The following OGA variants were observed in gnomAD, a reference collection of about 807,000 sequenced individuals.
OGA encodes the protein O-GlcNAcase.
Under a neutral mutation model 102.0 loss-of-function variants are expected in OGA, and 21 were observed. That is an observed-to-expected ratio of 0.21 (90% confidence interval 0.15 to 0.30). The LOEUF (loss-of-function observed/expected upper bound fraction) is 0.30, where lower values mean the gene tolerates loss of function less well. OGA is among the 10% of genes least tolerant of loss of function. OGA has a pLI of 1.00. For missense variants in OGA, 765 were observed against 1,107.8 expected, an observed-to-expected ratio of 0.69 and a Z score of 4.39; for synonymous variants, 408 against 378.2, an observed-to-expected ratio of 1.08 and a Z score of -0.91.
chr10:101,789,699 C>G (rs918699841), intron 14 of OGA, among the ~76,000 whole-genome samples: 1 of 152,088 alleles, frequency 6.6e-6, no homozygotes, highest in Non-Finnish European at 1.5e-5. Context: ...ACTGGCCAGG[C>G]ACAGTGGCTC....
chr10:101,802,014 G>A (rs61874100), intron 7 of OGA, among the ~76,000 whole-genome samples: 7,478 of 152,082 alleles, frequency 0.049, 207 homozygotes, highest in Middle Eastern at 0.095. Context: ...ATGGGGTGGT[G>A]TGCGCCAGTA....
At chr10:101,791,315 T>C (rs758240067) in intron 13 of OGA, 39 bp downstream of exon 13, 4 of 1,524,006 alleles carry the variant, frequency 2.6e-6, no homozygotes, top group Admixed American at 1.7e-5. Flanking sequence ...AGCCTCACTA[T>C]GAAAGGTCTA....
intron 1 of OGA, among the ~76,000 whole-genome samples, chr10:101,814,959 G>A (rs765309207): frequency 2.6e-5 from 4 of 152,128 alleles, no homozygotes; most frequent in Non-Finnish European, 5.9e-5. Context: ...TTTACATCTT[G>A]TCTAACCTTT....
Position 101,784,578 on chromosome 10 carries a change from A to G in OGA, c.*1873T>C, listed in dbSNP as rs567976242. On this transcript the variant is annotated 3_prime_UTR_variant, in exon 16 of 16. Coordinates refer to ENST00000361464, the MANE Select transcript of OGA (RefSeq NM_012215.5). ...TTAATATTCATAACCAGGAAATAGC[A>G]TAGCACTTCATGATCCTAGAGTGAT... 6.5e-6 allele frequency: 1 copy of G among 152,770 alleles called. No homozygotes were observed. Among genetic ancestry groups the G allele is most frequent in the South Asian group, 2.1e-4 (1 of 4,832 alleles). The allele number at this position is 152,770 out of a possible 1,614,324, so 9.5% of individuals were successfully genotyped here. A position where few individuals can be genotyped will look rare whatever the true frequency, so the allele number is the denominator to read the frequency against.
rs1322507468 is a variant in OGA at position 101,784,858 on chromosome 10, G to A, written c.*1593C>T. On this transcript the variant is annotated 3_prime_UTR_variant, in exon 16 of 16. Coordinates refer to ENST00000361464, the MANE Select transcript of OGA (RefSeq NM_012215.5). Reference sequence around the variant, plus strand: ...CTCAAGCCCTCAAAAATGCAAACTTGGTTCCAGCTTTACAACATACCATAT... The same window carrying A: ...CTCAAGCCCTCAAAAATGCAAACTTAGTTCCAGCTTTACAACATACCATAT... The A allele has an allele frequency of 2.0e-5, 3 of 152,148 alleles. No individual in the cohort carries two copies. Among genetic ancestry groups the A allele is most frequent in the Non-Finnish European group, 2.9e-5 (2 of 68,030 alleles). 9.4% of individuals were successfully genotyped at this position (152,148 alleles called of 1,614,324 possible).
chr10:101,791,045 C>A lies in OGA; in HGVS notation c.2305G>T (p.Val769Phe), dbSNP rs2065254904. ...LLSLSLDYCFVLEDEDGICGY... is the reference protein window; with the variant it reads ...LLSLSLDYCFFLEDEDGICGY... Reference sequence around the variant, plus strand: ...CATATGCCATCTTCATCTTCTAGGACAAAGCAGTAATCCAGGCTGAGGGAA... The same window carrying A: ...CATATGCCATCTTCATCTTCTAGGAAAAAGCAGTAATCCAGGCTGAGGGAA... The change falls in exon 14 of 16, where the codon GTC (valine) becomes TTC (phenylalanine). Residue 769 changes from valine to phenylalanine, a missense_variant. Physicochemically the swap from Val to Phe is conservative, Grantham distance 50. This residue lies in a region of OGA where 146 missense variants were observed against 269.7 expected (regional missense o/e 0.54). Coordinates refer to ENST00000361464, the MANE Select transcript of OGA (RefSeq NM_012215.5). The A allele has an allele frequency of 6.2e-7, 1 of 1,613,358 alleles. No individual in the cohort carries two copies. The highest frequency in any genetic ancestry group is 1.3e-5 in the African/African-American group (1 of 74,890).
Position 101,798,996 on chromosome 10 carries a change from G to T in OGA, c.1655C>A (p.Pro552Gln). Reference sequence around the variant, plus strand: ...TAACTGCAAATCCTCCAGGGTCACTGGTTCCGCAGTGTACAAAGGCTTTTC... The same window carrying T: ...TAACTGCAAATCCTCCAGGGTCACTTGTTCCGCAGTGTACAAAGGCTTTTC... The part of the protein sequence containing the change: ...PNEKPLYTAE[P>Q]VTLEDLQLLA... Residue 552 changes from proline (P) to glutamine (Q), a missense_variant, in exon 9 of 16, where the codon CCA (proline) becomes CAA (glutamine). Pro to Gln is a moderately conservative substitution (Grantham distance 76). Coordinates refer to ENST00000361464, the MANE Select transcript of OGA (RefSeq NM_012215.5). 1.2e-6 allele frequency: 2 copies of T among 1,614,222 alleles called. No homozygotes were observed. The highest frequency in any genetic ancestry group is 1.7e-6 in the Non-Finnish European group (2 of 1,180,042).
chr10:101,794,169 T>G, intron 10 of OGA, 171 bp from the exon 11 acceptor site: 1 of 453,432 alleles, frequency 2.2e-6, no homozygotes, highest in South Asian at 2.9e-5. Context: ...TAACGGCATT[T>G]CAATACTAAT....
chr10:101,812,982 C>A (rs377455302), intron 3 of OGA, 48 bp downstream of exon 3: 1 of 1,338,152 alleles, frequency 7.5e-7, no homozygotes, highest in East Asian at 2.3e-5. Context: ...AAAATATAAC[C>A]GTTTTCTTCA....
rs867571683 is a variant in OGA, at chr10:101,786,370, G to A, written c.*81C>T. The A allele has an allele frequency of 1.1e-5, 15 of 1,363,142 alleles. No individual in the cohort carries two copies. In the Middle Eastern group the frequency reaches 1.1e-3, roughly 103 times the overall value. 84.4% of individuals were successfully genotyped at this position (1,363,142 alleles called of 1,614,324 possible). On this transcript the variant is annotated 3_prime_UTR_variant, in exon 16 of 16. Transcript: ENST00000361464. The stretch of plus-strand genomic sequence containing the variant: ...TGGCTGATTTGTTACCATTCTAGAG[G>A]CTGAACTGTATGAAGACCTCAACTA...
chr10:101,809,113 C>T (rs1179663757), intron 4 of OGA, among the ~76,000 whole-genome samples: 1 of 152,166 alleles, frequency 6.6e-6, no homozygotes, highest in Non-Finnish European at 1.5e-5. Flanking sequence ...CCAGACATCT[C>T]TTCGTCCATA....
intron 7 of OGA, among the ~76,000 whole-genome samples, 199 bp downstream of exon 7, chr10:101,803,536 C>T (rs973308492): frequency 6.6e-6 from 1 of 150,744 alleles, no homozygotes; most frequent in African/African-American, 2.4e-5. Context: ...CTATCATATA[C>T]ATCTTCATCA....
At chr10:101,792,718 T>G in intron 12 of OGA, 121 bp downstream of exon 12, 1 of 645,384 alleles carries the variant, frequency 1.5e-6, no homozygotes, top group Non-Finnish European at 2.7e-6. Context: ...TTAATGAACT[T>G]TCTCCATCTA....
intron 14 of OGA, among the ~76,000 whole-genome samples, chr10:101,789,531 A>G (rs750310228): frequency 2.6e-5 from 4 of 151,994 alleles, no homozygotes; most frequent in Non-Finnish European, 5.9e-5. Flanking sequence ...AAAGACTATG[A>G]ATACTTTGGT....
chr10:101,812,984 T>C, intron 3 of OGA, 46 bp downstream of exon 3: 1 of 1,379,240 alleles, frequency 7.3e-7, no homozygotes, highest in African/African-American at 1.4e-5. Context: ...AATATAACCG[T>C]TTTCTTCACA....
At chr10:101,813,239 G>T in intron 2 of OGA, 112 bp from the exon 3 acceptor site, 1 of 739,266 alleles carries the variant, frequency 1.4e-6, no homozygotes, top group South Asian at 1.8e-5. Context: ...AATATTCTAT[G>T]ACAGTAGCTT....
chr10:101,787,992 G>C (rs547039965), intron 14 of OGA: 1 of 154,286 alleles, frequency 6.5e-6, no homozygotes, highest in East Asian at 1.9e-4. Context: ...AAATTAGGTC[G>C]TGTTGGCGGG....
Position 101,818,145 on chromosome 10 carries a change from T to C in OGA, c.-123A>G. 1.4e-6 allele frequency: 2 copies of C among 1,380,290 alleles called. No individual in the cohort carries two copies. The highest frequency in any genetic ancestry group is 3.3e-5 in the Admixed American group (1 of 30,028). 85.5% of individuals were successfully genotyped at this position (1,380,290 alleles called of 1,614,324 possible). A position where few individuals can be genotyped will look rare whatever the true frequency, so the allele number is the denominator to read the frequency against. The stretch of plus-strand genomic sequence containing the variant: ...TGTGCGCCCCTCCGGCTCCTTCCCC[T>C]CCCCCTCTGCCCTTCCCCCTCCCTC... On this transcript the variant is annotated 5_prime_UTR_variant, in exon 1 of 16. Coordinates refer to ENST00000361464, the MANE Select transcript of OGA (RefSeq NM_012215.5).
intron 7 of OGA, among the ~76,000 whole-genome samples, chr10:101,800,771 CTTTTTTTTT>C (rs771355527): frequency 8.5e-6 from 1 of 117,646 alleles, no homozygotes; most frequent in African/African-American, 3.1e-5. Flanking sequence ...CTTGTAACTT[CTTTTTTTTT>C]TTTTTTTTTT....
Sources: allele counts gnomAD v4.1 joint callset (sites outside exome capture counted in the v4.1 genomes callset), GRCh38; gene constraint gnomAD v4.1.1; regional missense constraint gnomAD v4.1.1; transcripts MANE v1.5; gene names NCBI Gene and HGNC (gene_info 2026-07-23, HGNC 2026-07-21).